Variants in CACNA2D3 observed in about 807,000 individuals in gnomAD.
CACNA2D3 encodes the protein calcium voltage-gated channel auxiliary subunit alpha2delta 3, also known as voltage-dependent calcium channel subunit alpha-2/delta-3.
CACNA2D3 carries 60 observed loss-of-function variants against 160.6 expected under a neutral mutation model. The ratio of observed to expected loss-of-function variants is 0.37; its 90% CI spans 0.30 to 0.46. CACNA2D3 has a LOEUF of 0.46. Among genes scored for constraint, CACNA2D3 ranks in the 20% least tolerant of loss-of-function variants. CACNA2D3 has a pLI of 1.00. For missense variants in CACNA2D3, 1,205 were observed against 1,365.0 expected (o/e 0.88, Z 1.85); for synonymous variants, 558 against 492.9 (o/e 1.13, Z -1.75).
intron 4 of CACNA2D3, among the ~76,000 whole-genome samples, chr3:54,390,187 A>C (rs779165466): frequency 4.6e-5 from 7 of 152,272 alleles, no homozygotes; most frequent in Non-Finnish European, 8.8e-5. Context: ...CAGATGAAAA[A>C]TGTTTTGTGG....
intron 2 of CACNA2D3, among the ~76,000 whole-genome samples, chr3:54,225,222 T>C (rs1166512371): frequency 2.0e-5 from 3 of 152,160 alleles, no homozygotes; most frequent in African/African-American, 4.8e-5. Context: ...TTTGTCCTTG[T>C]GATAGTTTGC....
At chr3:54,313,821 T>G (rs1221868676) in intron 2 of CACNA2D3, among the ~76,000 whole-genome samples, 2 of 149,088 alleles carry the variant, frequency 1.3e-5, no homozygotes, top group Non-Finnish European at 3.0e-5. Flanking sequence ...CATCAGACTT[T>G]CCCTGATGCT....
intron 29 of CACNA2D3, among the ~76,000 whole-genome samples, chr3:54,971,977 GC>G (rs1234199966): frequency 6.6e-6 from 1 of 151,754 alleles, no homozygotes; most frequent in African/African-American, 2.4e-5. Context: ...GAAATGATAA[GC>G]ATTCAATAAA....
At chr3:54,302,741 T>A (rs897664527) in intron 2 of CACNA2D3, among the ~76,000 whole-genome samples, 3 of 152,028 alleles carry the variant, frequency 2.0e-5, no homozygotes, top group Non-Finnish European at 4.4e-5. Context: ...CCTCACCCTC[T>A]CCTGTCTGTC....
chr3:55,064,217 C>T (rs1178843643), intron 35 of CACNA2D3, among the ~76,000 whole-genome samples: 1 of 152,250 alleles, frequency 6.6e-6, no homozygotes, highest in Non-Finnish European at 1.5e-5. Context: ...GCTGTCCCTA[C>T]TCATGGGGCA....
intron 14 of CACNA2D3, among the ~76,000 whole-genome samples, chr3:54,819,821 G>T (rs1479068107): frequency 2.0e-5 from 3 of 152,078 alleles, no homozygotes; most frequent in African/African-American, 7.2e-5. Flanking sequence ...CTCCAGCCTG[G>T]TGACAGGGTG....
At chr3:54,257,497 T>TC (rs1031063512) in intron 2 of CACNA2D3, among the ~76,000 whole-genome samples, 2 of 151,962 alleles carry the variant, frequency 1.3e-5, no homozygotes, top group Non-Finnish European at 2.9e-5. Context: ...TATTTTTTTT[T>TC]CCCTACGCTT....
chr3:54,208,185 A>T (rs1218503182), intron 2 of CACNA2D3, among the ~76,000 whole-genome samples: 1 of 152,100 alleles, frequency 6.6e-6, no homozygotes, highest in Non-Finnish European at 1.5e-5. Flanking sequence ...GGCTCACTGC[A>T]ACCTCTGCCT....
chr3:54,386,470 C>T (rs2359787), intron 3 of CACNA2D3, among the ~76,000 whole-genome samples: 3 of 152,066 alleles, frequency 2.0e-5, no homozygotes, highest in African/African-American at 4.8e-5. Flanking sequence ...ATGCAGAACA[C>T]GTGTGCATTT....
chr3:54,810,294 G>T (rs1703269714), intron 13 of CACNA2D3, among the ~76,000 whole-genome samples: 1 of 152,208 alleles, frequency 6.6e-6, no homozygotes, highest in Non-Finnish European at 1.5e-5. Flanking sequence ...GGAGAGACCA[G>T]ATGAGCAGCA....
chr3:54,455,060 C>T (rs537147073), intron 4 of CACNA2D3, among the ~76,000 whole-genome samples: 9 of 152,132 alleles, frequency 5.9e-5, no homozygotes, highest in East Asian at 1.9e-4. Flanking sequence ...AACATGGGGG[C>T]GCAGATATCT....
intron 33 of CACNA2D3, 71 bp from the exon 34 acceptor site, chr3:55,009,315 TAC>T: frequency 7.7e-7 from 1 of 1,306,860 alleles, no homozygotes; most frequent in African/African-American, 1.4e-5. Context: ...TGCCAAAGAA[TAC>T]AGAAAGTCAC....
chr3:54,518,416 T>G (rs1291818631), intron 5 of CACNA2D3, among the ~76,000 whole-genome samples: 1 of 151,760 alleles, frequency 6.6e-6, no homozygotes, highest in Admixed American at 6.6e-5. Flanking sequence ...CACCTGGGGT[T>G]CCCCCCAGTG....
chr3:54,573,870 T>C (rs1374776915), intron 8 of CACNA2D3, among the ~76,000 whole-genome samples: 1 of 152,234 alleles, frequency 6.6e-6, no homozygotes, highest in Non-Finnish European at 1.5e-5. Flanking sequence ...TTATTCTTTT[T>C]TCCTCCATCA....
intron 29 of CACNA2D3, among the ~76,000 whole-genome samples, chr3:54,973,338 T>G (rs77991161): frequency 0.012 from 1,775 of 152,290 alleles, 30 homozygotes; most frequent in African/African-American, 0.041. Flanking sequence ...TCCACTCACC[T>G]GTGCAACACT....
intron 2 of CACNA2D3, among the ~76,000 whole-genome samples, chr3:54,174,415 C>T (rs1700626117): frequency 6.6e-6 from 1 of 152,226 alleles, no homozygotes; most frequent in Non-Finnish European, 1.5e-5. Context: ...CTGATAACCA[C>T]AGTTGCTGAG....
intron 16 of CACNA2D3, 149 bp downstream of exon 16, chr3:54,838,797 A>G: frequency 1.6e-6 from 1 of 617,088 alleles, no homozygotes; most frequent in Non-Finnish European, 2.9e-6. Flanking sequence ...CCATCTGCAC[A>G]GTTATTTAAA....
chr3:55,071,973 T>TTATG (rs1704820385), intron 35 of CACNA2D3, among the ~76,000 whole-genome samples: 1 of 152,184 alleles, frequency 6.6e-6, no homozygotes, highest in South Asian at 2.1e-4. Flanking sequence ...TAGAATATAT[T>TTATG]TATGTTGATG....
intron 2 of CACNA2D3, among the ~76,000 whole-genome samples, chr3:54,303,847 TAG>T (rs1703536061): frequency 1.0e-4 from 14 of 136,502 alleles, no homozygotes; most frequent in African/African-American, 2.5e-4. Context: ...TTCTATTGCT[TAG>T]TGCTGCTCAG....
Sources: gnomAD v4.1 joint callset for allele counts (sites outside exome capture counted in the v4.1 genomes callset) on GRCh38, gnomAD v4.1.1 for gene constraint, MANE v1.5 for transcripts, NCBI Gene and HGNC (gene_info 2026-07-23, HGNC 2026-07-21) for gene names.